Variants in TSHZ2 observed in about 807,000 individuals in gnomAD.
TSHZ2 encodes teashirt zinc finger homeobox 2.
A neutral mutation model predicts 74.4 loss-of-function variants in TSHZ2; 21 were observed. The observed-to-expected ratio is 0.28, with a 90% CI of 0.20 to 0.41. TSHZ2 has a LOEUF of 0.41. TSHZ2 is among the 10% of genes least tolerant of loss of function. The pLI is 1.00. For synonymous variants in TSHZ2, 540 were observed against 515.3 expected (o/e 1.05, Z -0.65); for missense variants, 1,244 against 1,293.5 (o/e 0.96, Z 0.59).
At chr20:53,234,684 C>T (rs1003989965) in intron 1 of TSHZ2, among the ~76,000 whole-genome samples, 6 of 151,970 alleles carry the variant, frequency 3.9e-5, no homozygotes, top group South Asian at 2.1e-4. Flanking sequence ...CAGCAGCCAG[C>T]GCAAAGGCCT....
At chr20:53,067,632 C>T (rs1396872392) in intron 1 of TSHZ2, among the ~76,000 whole-genome samples, 1 of 152,208 alleles carries the variant, frequency 6.6e-6, no homozygotes, top group South Asian at 2.1e-4. Flanking sequence ...AGTACTTTCC[C>T]ACTCCATCTC....
rs369835985 is a variant in TSHZ2 at position 53,253,686 on chromosome 20, T to C, written c.228T>C (p.Asn76=). Residue 76 remains asparagine, a synonymous_variant, in exon 2 of 3, where the codon AAT becomes AAC. Transcript: ENST00000371497. ...YQNSPGSHLS[N]QDAENESLLS... ...ACTCTCCAGGAAGTCATTTGTCCAATCAGGATGCCGAGAACGAGTCTCTGC... is the reference window on the plus strand; with the variant it reads ...ACTCTCCAGGAAGTCATTTGTCCAACCAGGATGCCGAGAACGAGTCTCTGC... 2 of 1,614,100 alleles carry C rather than the reference T, an allele frequency of 1.2e-6. No homozygotes were observed. The highest frequency in any genetic ancestry group is 4.5e-5 in the East Asian group (2 of 44,870).
At position 53,437,078 on chromosome 20, in the gene TSHZ2, G is replaced by A. The variant is rs1430597241; in HGVS notation, c.*9-50066G>A. ...TAGAAAAGAGTATGCCCTCCTCTGG[G>A]CACCTCCAGAATATTCTCTCACGTC... On this transcript the variant is annotated intron_variant, in intron 2 of 2. Transcript: ENST00000371497. Among the ~76,000 whole-genome samples the A allele has an allele frequency of 2.0e-5, 3 of 152,054 alleles. No individual in the cohort carries two copies. In the East Asian group the frequency reaches 5.8e-4, roughly 29 times the overall value.
At chr20:53,469,184 A>G (rs1174877881) in intron 2 of TSHZ2, among the ~76,000 whole-genome samples, 2 of 149,818 alleles carry the variant, frequency 1.3e-5, no homozygotes, top group African/African-American at 4.9e-5. Context: ...TTTTCTCTGT[A>G]ATATTGGATA....
At chr20:52,984,753 T>C (rs1442263570) in intron 1 of TSHZ2, among the ~76,000 whole-genome samples, 1 of 152,130 alleles carries the variant, frequency 6.6e-6, no homozygotes, top group African/African-American at 2.4e-5. Flanking sequence ...AAGAGGCGTC[T>C]ACATCAATGC....
At chr20:53,372,585 A>T (rs1054764751) in intron 2 of TSHZ2, among the ~76,000 whole-genome samples, 1 of 152,172 alleles carries the variant, frequency 6.6e-6, no homozygotes, top group South Asian at 2.1e-4. Context: ...CTTGTCTCCA[A>T]GGTCTCTTCC....
chr20:52,975,573 G>A (rs906873457), intron 1 of TSHZ2, among the ~76,000 whole-genome samples: 4 of 151,960 alleles, frequency 2.6e-5, no homozygotes, highest in Non-Finnish European at 4.4e-5. Context: ...CAGTTTTCTG[G>A]CCTATTATAT....
chr20:53,460,549 A>G (rs1264735716), intron 2 of TSHZ2, among the ~76,000 whole-genome samples: 2 of 152,192 alleles, frequency 1.3e-5, no homozygotes, highest in Non-Finnish European at 2.9e-5. Flanking sequence ...CTCTCAGCTC[A>G]TCAAAGTCAT....
Position 53,232,727 on chromosome 20 carries a change from C to A in TSHZ2, c.41-20772C>A, listed in dbSNP as rs1009723671. Among the ~76,000 whole-genome samples, 4 of 152,230 alleles carry A rather than the reference C, an allele frequency of 2.6e-5. No individual in the cohort carries two copies. In the South Asian group the frequency reaches 6.2e-4, roughly 24 times the overall value. ...CCTGGGCAACAGAGCGAGACCCCCC[C>A]TCTAGAAAAAAAGAAAATTATTATT... On this transcript the variant is annotated intron_variant, in intron 1 of 2. Transcript: ENST00000371497.
At chr20:53,129,663 A>G (rs528650593) in intron 1 of TSHZ2, among the ~76,000 whole-genome samples, 1 of 152,176 alleles carries the variant, frequency 6.6e-6, no homozygotes, top group Non-Finnish European at 1.5e-5. Context: ...ACATGACATT[A>G]TCACCAGGAA....
intron 2 of TSHZ2, among the ~76,000 whole-genome samples, chr20:53,465,424 C>T (rs1160239660): frequency 1.3e-5 from 2 of 152,038 alleles, no homozygotes; most frequent in African/African-American, 4.8e-5. Flanking sequence ...GCACCCACCA[C>T]CACACCCGAC....
chr20:53,208,043 A>C (rs543549230), intron 1 of TSHZ2, among the ~76,000 whole-genome samples: 70 of 152,066 alleles, frequency 4.6e-4, no homozygotes, highest in African/African-American at 1.6e-3. Flanking sequence ...TCACTGGAGA[A>C]TCAAGTCAAA....
intron 1 of TSHZ2, among the ~76,000 whole-genome samples, chr20:53,120,837 A>G (rs1487422957): frequency 6.6e-6 from 1 of 152,228 alleles, no homozygotes; most frequent in Non-Finnish European, 1.5e-5. Context: ...AATTTGCCGT[A>G]TAAGTGAAAT....
intron 1 of TSHZ2, among the ~76,000 whole-genome samples, chr20:52,998,529 G>C (rs748354205): frequency 2.0e-5 from 3 of 152,110 alleles, no homozygotes; most frequent in Non-Finnish European, 2.9e-5. Context: ...TTAGCCCAAG[G>C]GTTACTTGCT....
At chr20:53,110,752 A>G (rs1986511311) in intron 1 of TSHZ2, among the ~76,000 whole-genome samples, 2 of 152,020 alleles carry the variant, frequency 1.3e-5, no homozygotes, top group Admixed American at 1.3e-4. Context: ...AATAAAATAA[A>G]ATAAAGCAGA....
chr20:53,414,391 A>G (rs2145703440), intron 2 of TSHZ2, among the ~76,000 whole-genome samples: 1 of 152,310 alleles, frequency 6.6e-6, no homozygotes, highest in South Asian at 2.1e-4. Context: ...AGGCCAACGC[A>G]GAAGGATTGC....
At chr20:53,472,644 G>A (rs1351146568) in intron 2 of TSHZ2, among the ~76,000 whole-genome samples, 1 of 151,654 alleles carries the variant, frequency 6.6e-6, no homozygotes, top group African/African-American at 2.4e-5. Context: ...TCCTCAGGGG[G>A]GAGGGAGGAG....
At chr20:53,346,475 G>T (rs1568878734) in intron 2 of TSHZ2, among the ~76,000 whole-genome samples, 1 of 152,164 alleles carries the variant, frequency 6.6e-6, no homozygotes, top group Non-Finnish European at 1.5e-5. Flanking sequence ...TTTGAGAAAT[G>T]TGACATCTGT....
intron 1 of TSHZ2, among the ~76,000 whole-genome samples, chr20:53,009,990 T>C (rs1378769536): frequency 6.6e-6 from 1 of 152,214 alleles, no homozygotes; most frequent in Non-Finnish European, 1.5e-5. Flanking sequence ...TCATAATCAC[T>C]ATCATTGTCA....
Sources: allele counts gnomAD v4.1 joint callset (sites outside exome capture counted in the v4.1 genomes callset), GRCh38; gene constraint gnomAD v4.1.1; transcripts MANE v1.5; gene names NCBI Gene and HGNC (gene_info 2026-07-23, HGNC 2026-07-21).